The following DDC variants were observed in gnomAD, a reference collection of about 807,000 sequenced individuals.
DDC encodes dopa decarboxylase.
Under a neutral mutation model 60.0 loss-of-function variants are expected in DDC, and 43 were observed. The ratio of observed to expected loss-of-function variants is 0.72; its 90% CI spans 0.56 to 0.92. The LOEUF is 0.92. DDC is among the 40% of genes least tolerant of loss of function. DDC has a pLI of 0.00. For synonymous variants in DDC, 232 were observed against 234.6 expected, an observed-to-expected ratio of 0.99 and a Z score of 0.10; for missense variants, 573 against 620.2, an observed-to-expected ratio of 0.92 and a Z score of 0.81.
intron 13 of DDC, among the ~76,000 whole-genome samples, chr7:50,464,685 A>G (rs1209964500): frequency 6.6e-6 from 1 of 152,194 alleles, no homozygotes; most frequent in Non-Finnish European, 1.5e-5. Flanking sequence ...GACAATTACA[A>G]TGAACAAAGT....
At chr7:50,504,664 C>T (rs2043343655) in intron 6 of DDC, among the ~76,000 whole-genome samples, 1 of 151,752 alleles carries the variant, frequency 6.6e-6, no homozygotes, top group African/African-American at 2.4e-5. Flanking sequence ...TACTATGGAG[C>T]AGAAGCCTGG....
At position 50,559,203 on chromosome 7, in the gene DDC, C is replaced by T. The variant is rs141676726; in HGVS notation, c.-29+6082G>A. Among the ~76,000 whole-genome samples, 480 of 152,296 alleles carry T rather than the reference C, an allele frequency of 3.2e-3. 3 individuals carry two copies. The highest frequency in any genetic ancestry group is 0.011 in the African/African-American group (443 of 41,582). ...GGAAGCATGCAGCAGGCACGGAGCT[C>T]CTCTCAGCCCGCACAGCTCAGAAAT... is the stretch of plus-strand genomic sequence containing the variant. On this transcript the variant is annotated intron_variant, in intron 1 of 14. Coordinates refer to ENST00000444124, the MANE Select transcript of DDC (RefSeq NM_001082971.2).
intron 9 of DDC, among the ~76,000 whole-genome samples, chr7:50,488,196 C>T (rs181893504): frequency 1.3e-3 from 192 of 151,442 alleles, no homozygotes; most frequent in Non-Finnish European, 1.8e-3. Flanking sequence ...TGTTAAAAAA[C>T]GACATATAAT....
intron 1 of DDC, among the ~76,000 whole-genome samples, chr7:50,555,753 C>G (rs10249420): frequency 0.23 from 35,045 of 152,102 alleles, 4,260 homozygotes; most frequent in East Asian, 0.41. Context: ...CTATTACTCC[C>G]TTTAACAGAT....
At chr7:50,476,487 G>T in intron 11 of DDC, 137 bp downstream of exon 11, 1 of 810,494 alleles carries the variant, frequency 1.2e-6, no homozygotes, top group Non-Finnish European at 2.1e-6. Context: ...CCCCTAATTT[G>T]TCAGTTAGGA....
intron 6 of DDC, among the ~76,000 whole-genome samples, chr7:50,505,926 T>C (rs1047964929): frequency 6.6e-6 from 1 of 152,134 alleles, no homozygotes; most frequent in Non-Finnish European, 1.5e-5. Context: ...AGTCAGGAGA[T>C]GACTGCCATT....
At chr7:50,470,260 G>C (rs1301266651) in intron 11 of DDC, 89 bp from the exon 12 acceptor site, 1 of 984,174 alleles carries the variant, frequency 1.0e-6, no homozygotes, top group East Asian at 2.4e-5. Context: ...ATTTCTCTTG[G>C]AGGCAGCCGA....
At chr7:50,507,258 A>G (rs1170951262) in intron 6 of DDC, among the ~76,000 whole-genome samples, 1 of 151,282 alleles carries the variant, frequency 6.6e-6, no homozygotes, top group Non-Finnish European at 1.5e-5. Flanking sequence ...TTTTTTTGAG[A>G]TGGAGTTTCA....
chr7:50,511,450 G>C (rs2153542144), intron 6 of DDC, among the ~76,000 whole-genome samples: 1 of 152,294 alleles, frequency 6.6e-6, no homozygotes, highest in East Asian at 1.9e-4. Context: ...TGGATCACTT[G>C]AGGTCAGGAT....
intron 6 of DDC, among the ~76,000 whole-genome samples, chr7:50,509,270 A>T (rs866897402): frequency 6.6e-6 from 1 of 152,220 alleles, no homozygotes; most frequent in African/African-American, 2.4e-5. Context: ...GGCTTCTATC[A>T]GCAGAATGTT....
At chr7:50,488,976 A>T (rs1219891460) in intron 9 of DDC, among the ~76,000 whole-genome samples, 1 of 151,856 alleles carries the variant, frequency 6.6e-6, no homozygotes, top group Non-Finnish European at 1.5e-5. Context: ...TAACTTAAAG[A>T]TCTAAACTGA....
chr7:50,465,550 G>C (rs545784053), intron 13 of DDC, among the ~76,000 whole-genome samples: 1 of 152,212 alleles, frequency 6.6e-6, no homozygotes, highest in East Asian at 1.9e-4. Context: ...TTTTGTATTT[G>C]TAGTAGAGAC....
chr7:50,478,339 G>A (rs4433100), intron 10 of DDC, among the ~76,000 whole-genome samples: 84,456 of 152,020 alleles, frequency 0.56, 23,642 homozygotes, highest in Admixed American at 0.62. Flanking sequence ...GGCTGTTGAC[G>A]TTTAAATTTA....
chr7:50,560,468 A>C (rs986253263), intron 1 of DDC, among the ~76,000 whole-genome samples: 1 of 152,116 alleles, frequency 6.6e-6, no homozygotes, highest in Non-Finnish European at 1.5e-5. Context: ...GCCCCTTTAT[A>C]AAATCAAACC....
At chr7:50,464,834 G>A (rs1412597026) in intron 13 of DDC, among the ~76,000 whole-genome samples, 1 of 152,314 alleles carries the variant, frequency 6.6e-6, no homozygotes, top group South Asian at 2.1e-4. Context: ...CAGCATGAGA[G>A]GACCTGAAAT....
Position 50,463,274 on chromosome 7 carries a change from A to T in DDC, c.1400T>A (p.Ile467Asn), listed in dbSNP as rs1311520011. Residue 467 changes from isoleucine (I) to asparagine (N), a missense_variant, in exon 14 of 15, where the codon ATC becomes AAC. Coordinates refer to ENST00000444124, the MANE Select transcript of DDC (RefSeq NM_001082971.2). ...CAGCACGTCGGCCGCCAGCTCTTTG[A>T]TGTGTTCCCAGGCCCGCTGCACATG... ...SAHVQRAWEH[I>N]KELAADVLRA... 1 of 1,614,154 alleles carries T rather than the reference A, an allele frequency of 6.2e-7. No homozygotes were observed. The highest frequency in any genetic ancestry group is 1.7e-5 in the Admixed American group (1 of 60,022).
Position 50,488,854 on chromosome 7 carries a change from T to C in DDC, c.944+6496A>G, listed in dbSNP as rs183253979. The stretch of plus-strand genomic sequence containing the variant: ...TTTCATCTCGCTGTTTTCAGCTTTC[T>C]CTCCCCTTCAAGAGGGCCCGAGATA... On this transcript the variant is annotated intron_variant, in intron 9 of 14. Coordinates refer to ENST00000444124, the MANE Select transcript of DDC (RefSeq NM_001082971.2). 3.2e-3 allele frequency among the ~76,000 whole-genome samples: 487 copies of C among 152,338 alleles called. 3 individuals are homozygous for C. The highest frequency in any genetic ancestry group is 4.9e-3 in the Non-Finnish European group (332 of 68,024).
intron 6 of DDC, among the ~76,000 whole-genome samples, chr7:50,519,718 T>C (rs1287887191): frequency 6.6e-6 from 1 of 151,648 alleles, no homozygotes; most frequent in Non-Finnish European, 1.5e-5. Flanking sequence ...AATGATACAA[T>C]GGGCTTTGGG....
chr7:50,549,616 C>G (rs573340870), intron 1 of DDC, among the ~76,000 whole-genome samples: 1 of 150,512 alleles, frequency 6.6e-6, no homozygotes, highest in South Asian at 2.1e-4. Flanking sequence ...AAGATCACAC[C>G]ACTGCACTCC....
Sources: gnomAD v4.1 joint callset for allele counts (sites outside exome capture counted in the v4.1 genomes callset) on GRCh38, gnomAD v4.1.1 for gene constraint, MANE v1.5 for transcripts, NCBI Gene and HGNC (gene_info 2026-07-23, HGNC 2026-07-21) for gene names.